PID1: variants seen among roughly 807,000 people sequenced by gnomAD.
The protein encoded by PID1 is phosphotyrosine interaction domain containing 1.
A neutral mutation model predicts 19.1 loss-of-function variants in PID1; 10 were observed. The ratio of observed to expected loss-of-function variants is 0.52; its 90% CI spans 0.32 to 0.89. The LOEUF (loss-of-function observed/expected upper bound fraction) is 0.89, where lower values mean the gene tolerates loss of function less well. PID1 is among the 40% of genes least tolerant of loss of function. The probability of loss-of-function intolerance (pLI) is 0.03; values close to 1 mark genes in which losing one functional copy is unlikely to be tolerated. For synonymous variants in PID1, 130 were observed against 116.0 expected, an observed-to-expected ratio of 1.12 and a Z score of -0.78; for missense variants, 248 against 285.3, an observed-to-expected ratio of 0.87 and a Z score of 0.94.
At chr2:229,080,633 T>C (rs899073372) in intron 2 of PID1, among the ~76,000 whole-genome samples, 2 of 152,192 alleles carry the variant, frequency 1.3e-5, no homozygotes, top group Non-Finnish European at 2.9e-5. Flanking sequence ...CCTAGGATGT[T>C]CTCAAGGGCA....
At chr2:229,165,445 C>T (rs1690578264) in intron 1 of PID1, among the ~76,000 whole-genome samples, 2 of 151,698 alleles carry the variant, frequency 1.3e-5, no homozygotes, top group Non-Finnish European at 2.9e-5. Flanking sequence ...ACTAAAATTA[C>T]AAAAAATTAG....
chr2:229,262,853 A>C (rs753377128), intron 1 of PID1: 7 of 1,547,066 alleles, frequency 4.5e-6, no homozygotes, highest in Non-Finnish European at 6.1e-6. Flanking sequence ...TGATCTTCAC[A>C]ATGGCCTTCT....
At chr2:229,100,472 A>C (rs1009929191) in intron 2 of PID1, among the ~76,000 whole-genome samples, 3 of 152,216 alleles carry the variant, frequency 2.0e-5, no homozygotes, top group Non-Finnish European at 4.4e-5. Context: ...GAAGATAAAA[A>C]CTGGGCTTCT....
At chr2:229,194,858 T>C (rs1310964459) in intron 1 of PID1, among the ~76,000 whole-genome samples, 1 of 151,954 alleles carries the variant, frequency 6.6e-6, no homozygotes, top group African/African-American at 2.4e-5. Flanking sequence ...TACATGTATA[T>C]AGTATAGATA....
intron 2 of PID1, among the ~76,000 whole-genome samples, chr2:229,067,871 T>C (rs902599063): frequency 1.3e-5 from 2 of 152,200 alleles, no homozygotes; most frequent in African/African-American, 4.8e-5. Context: ...TTCCAGCTAC[T>C]GGAGCAGCCT....
chr2:229,266,846 T>A (rs1004432294), intron 1 of PID1, among the ~76,000 whole-genome samples: 2 of 152,222 alleles, frequency 1.3e-5, no homozygotes, highest in Non-Finnish European at 2.9e-5. Flanking sequence ...ACTAGTATCT[T>A]CCCATTCTTA....
At chr2:229,118,361 G>C (rs936373297) in intron 2 of PID1, among the ~76,000 whole-genome samples, 1 of 152,118 alleles carries the variant, frequency 6.6e-6, no homozygotes, top group Admixed American at 6.6e-5. Context: ...CTCTAGGGTT[G>C]GCAAAGGATT....
chr2:229,204,463 C>A (rs1393299072), intron 1 of PID1, among the ~76,000 whole-genome samples: 1 of 151,844 alleles, frequency 6.6e-6, no homozygotes, highest in Non-Finnish European at 1.5e-5. Context: ...CAGATAAAAC[C>A]CAAAAAGCAC....
intron 2 of PID1, among the ~76,000 whole-genome samples, chr2:229,124,843 C>G (rs1695590795): frequency 2.6e-5 from 4 of 152,204 alleles, no homozygotes; most frequent in Admixed American, 2.6e-4. Flanking sequence ...TGTTGACTAA[C>G]AAGTCCTTAA....
chr2:229,182,127 T>A (rs1400724218), intron 1 of PID1, among the ~76,000 whole-genome samples: 1 of 152,174 alleles, frequency 6.6e-6, no homozygotes, highest in African/African-American at 2.4e-5. Flanking sequence ...ACAATAATGG[T>A]GGATACCTAT....
chr2:229,090,020 G>A (rs1194433623), intron 2 of PID1, among the ~76,000 whole-genome samples: 3 of 152,094 alleles, frequency 2.0e-5, no homozygotes, highest in Non-Finnish European at 2.9e-5. Context: ...AGAAACATAC[G>A]TGAACAGTTC....
chr2:229,175,500 A>C lies in PID1; in HGVS notation c.31-19536T>G, dbSNP rs866500362. On this transcript the variant is annotated intron_variant, in intron 1 of 2. Transcript: ENST00000392055. ...TTAGCTTGTAAACAAAAAGTACTGC[A>C]AGTCTCCCTGAACAACATTTTTGTA... is the stretch of plus-strand genomic sequence containing the variant. Among the ~76,000 whole-genome samples the C allele has an allele frequency of 3.3e-5, 5 of 152,372 alleles. No homozygotes were observed. The Middle Eastern group carries it at 0.01, about 311-fold the overall frequency.
chr2:229,170,746 G>C (rs1003649740), intron 1 of PID1, among the ~76,000 whole-genome samples: 1 of 152,198 alleles, frequency 6.6e-6, no homozygotes, highest in East Asian at 1.9e-4. Flanking sequence ...GACAGTCTTT[G>C]ATGCACGCAC....
At position 229,081,978 on chromosome 2, in the gene PID1, A is replaced by AACACTT. The variant is rs568507800; in HGVS notation, c.178-55876_178-55871dup. Among the ~76,000 whole-genome samples the AACACTT allele has an allele frequency of 8.5e-3, 1,294 of 152,346 alleles. 7 individuals are homozygous for AACACTT. The highest frequency in any genetic ancestry group is 0.024 in the Middle Eastern group (7 of 294). ...TTCAGAGAAACTGTTTAGTCTCAGC[A>AACACTT]ACACTTAAGTCAAGAGAGTGAAACA... On this transcript the variant is annotated intron_variant, in intron 2 of 2. Coordinates refer to ENST00000392055, the MANE Select transcript of PID1 (RefSeq NM_001100818.2).
intron 1 of PID1, among the ~76,000 whole-genome samples, chr2:229,178,434 TTTTAGC>T (rs1421984570): frequency 6.6e-6 from 1 of 152,158 alleles, no homozygotes; most frequent in Non-Finnish European, 1.5e-5. Context: ...TATATAGAAA[TTTTAGC>T]TTATTTTCTT....
chr2:229,214,692 T>C (rs1368150784), intron 1 of PID1, among the ~76,000 whole-genome samples: 2 of 152,210 alleles, frequency 1.3e-5, no homozygotes, highest in Non-Finnish European at 2.9e-5. Context: ...TTGATCTTTA[T>C]GCCCTGAATA....
intron 1 of PID1, among the ~76,000 whole-genome samples, chr2:229,217,022 A>T (rs1691862756): frequency 6.6e-6 from 1 of 152,246 alleles, no homozygotes; most frequent in African/African-American, 2.4e-5. Flanking sequence ...ATAGATAAGT[A>T]GATAAAATCA....
At chr2:229,138,641 A>G (rs1340134616) in intron 2 of PID1, among the ~76,000 whole-genome samples, 4 of 152,016 alleles carry the variant, frequency 2.6e-5, no homozygotes, top group Non-Finnish European at 4.4e-5. Context: ...TCATTCCCTC[A>G]CTTCTTCATT....
chr2:229,051,057 T>C lies in PID1; in HGVS notation c.178-24949A>G, dbSNP rs184151065. ...TCTAGTCTGAATTCCGAATTTCTTT[T>C]AGGATTCTCTACATGTACTCTCAAT... On this transcript the variant is annotated intron_variant, in intron 2 of 2. Transcript: ENST00000392055. Among the ~76,000 whole-genome samples, 47 of 152,282 alleles carry C rather than the reference T, an allele frequency of 3.1e-4. 1 individual carries two copies. The East Asian group carries it at 7.9e-3, about 26-fold the overall frequency.
Sources: gnomAD v4.1 joint callset for allele counts (sites outside exome capture counted in the v4.1 genomes callset) on GRCh38, gnomAD v4.1.1 for gene constraint, MANE v1.5 for transcripts, NCBI Gene and HGNC (gene_info 2026-07-23, HGNC 2026-07-21) for gene names.